The following PSIP1 variants were observed in gnomAD, a reference collection of about 807,000 sequenced individuals.
The protein encoded by PSIP1 is PC4 and SFRS1-interacting protein.
PSIP1 carries 19 observed loss-of-function variants against 74.7 expected under a neutral mutation model. That is an observed-to-expected ratio of 0.25 (90% CI 0.18 to 0.37). The LOEUF (loss-of-function observed/expected upper bound fraction) is 0.37. Among genes scored for constraint, PSIP1 ranks in the 10% least tolerant of loss-of-function variants. The probability of loss-of-function intolerance (pLI) is 1.00; values close to 1 mark genes in which losing one functional copy is unlikely to be tolerated. For missense variants in PSIP1, 601 were observed against 614.3 expected, an observed-to-expected ratio of 0.98 and a Z score of 0.23; for synonymous variants, 222 against 195.3, an observed-to-expected ratio of 1.14 and a Z score of -1.14.
chr9:15,484,799 G>C (rs921013084), intron 6 of PSIP1, among the ~76,000 whole-genome samples: 5 of 151,576 alleles, frequency 3.3e-5, no homozygotes, highest in African/African-American at 1.2e-4. Flanking sequence ...TGTAATCCCA[G>C]CTACTTGGGA....
At chr9:15,490,940 T>C (rs1425406650) in intron 3 of PSIP1, among the ~76,000 whole-genome samples, 1 of 152,172 alleles carries the variant, frequency 6.6e-6, no homozygotes, top group East Asian at 1.9e-4. Flanking sequence ...GTACTATCAA[T>C]TTTTGCTATC....
intron 3 of PSIP1, among the ~76,000 whole-genome samples, chr9:15,498,443 A>G (rs977331233): frequency 6.6e-6 from 1 of 152,010 alleles, no homozygotes; most frequent in Admixed American, 6.6e-5. Flanking sequence ...AAAAAAACAA[A>G]GAGTAAGATA....
chr9:15,497,621 G>C (rs949347601), intron 3 of PSIP1, among the ~76,000 whole-genome samples: 3 of 151,904 alleles, frequency 2.0e-5, no homozygotes, highest in South Asian at 2.1e-4. Flanking sequence ...CACCGCGCCC[G>C]GCTGATTCCA....
intron 3 of PSIP1, among the ~76,000 whole-genome samples, chr9:15,502,919 C>G (rs1342966581): frequency 6.6e-6 from 1 of 152,100 alleles, no homozygotes; most frequent in Non-Finnish European, 1.5e-5. Flanking sequence ...CGTCTGTAGG[C>G]CAGGAAAAGA....
chr9:15,466,791 T>G lies in PSIP1; in HGVS notation c.1489A>C (p.Asn497His). Residue 497 changes from asparagine to histidine, a missense_variant, in exon 15 of 16, where the codon AAT (asparagine) becomes CAT (histidine). Around this residue, in one of 2 missense-constraint regions of PSIP1, gnomAD observed 538 missense variants for 507.6 expected, o/e 1.06. Transcript: ENST00000380733. The stretch of plus-strand genomic sequence containing the variant: ...TCATGGTTGTCTTTGCTGTCTTCAT[T>G]GCTCTCCCCGTTATGTTGTGGCTGA... ...GNQPQHNGES[N>H]EDSKDNHEAS... 1 of 1,613,730 alleles carries G rather than the reference T, an allele frequency of 6.2e-7. No individual in the cohort carries two copies. Among genetic ancestry groups the G allele is most frequent in the Non-Finnish European group, 8.5e-7 (1 of 1,179,868 alleles).
intron 5 of PSIP1, among the ~76,000 whole-genome samples, 199 bp from the exon 6 acceptor site, chr9:15,486,267 G>C (rs16933320): frequency 0.021 from 3,166 of 152,284 alleles, 78 homozygotes; most frequent in South Asian, 0.099. Flanking sequence ...CAGATCAAAT[G>C]TAAGTCATGG....
intron 3 of PSIP1, among the ~76,000 whole-genome samples, chr9:15,498,864 G>A (rs375319898): frequency 4.0e-5 from 6 of 151,854 alleles, no homozygotes; most frequent in Admixed American, 1.3e-4. Context: ...AACTATATAC[G>A]ACAGAAGCTC....
chr9:15,471,727 T>C, intron 10 of PSIP1: 1 of 966,168 alleles, frequency 1.0e-6, no homozygotes. Flanking sequence ...ACGCTGTACT[T>C]GTCAAGAAAG....
Position 15,510,056 on chromosome 9 carries a change from G to T in PSIP1, c.72+61C>A. 2.7e-6 allele frequency: 4 copies of T among 1,457,802 alleles called. No homozygotes were observed. In the South Asian group the frequency reaches 3.7e-5, roughly 13 times the overall value. The allele number at this position is 1,457,802 out of a possible 1,614,324, so 90.3% of individuals were successfully genotyped here. On this transcript the variant is annotated intron_variant, in intron 2 of 15. Transcript: ENST00000380733. ...GAAGAAAAAATAAAGAGACACGGTG[G>T]GCAGCAGGCCTCTGGAGAGGAGGGT...
rs1027183025 is a variant in PSIP1 at position 15,470,752 on chromosome 9, TAAAC to T, written c.978-763_978-760del. 29 of 966,560 alleles carry T rather than the reference TAAAC, an allele frequency of 3.0e-5. No homozygotes were observed. In the South Asian group the frequency reaches 5.8e-4, roughly 19 times the overall value. The allele number at this position is 966,560 out of a possible 1,614,324, so 59.9% of individuals were successfully genotyped here. ...AACATTTATTAAGATTCTAAAGAAT[TAAAC>T]AACAAAGGAATGTCAAGAGAAGGGC... On this transcript the variant is annotated intron_variant, in intron 10 of 15. Transcript: ENST00000380733.
At chr9:15,480,790 C>T (rs1194818705) in intron 6 of PSIP1, among the ~76,000 whole-genome samples, 1 of 152,094 alleles carries the variant, frequency 6.6e-6, no homozygotes, top group African/African-American at 2.4e-5. Context: ...GCTTGTGGCG[C>T]ACACCTATAA....
At chr9:15,479,545 A>G in intron 7 of PSIP1, 46 bp downstream of exon 7, 9 of 1,457,792 alleles carry the variant, frequency 6.2e-6, no homozygotes, top group Middle Eastern at 2.5e-4. Flanking sequence ...ATGGACTGGA[A>G]TATTAATCAC....
At chr9:15,471,660 C>T (rs541791546) in intron 10 of PSIP1, 2 of 929,878 alleles carry the variant, frequency 2.2e-6, no homozygotes, top group South Asian at 1.0e-4. Context: ...ATTTAAATTA[C>T]TCCCTCAAGG....
chr9:15,464,965 A>G lies in PSIP1; in HGVS notation c.*555T>C, dbSNP rs144766798. On this transcript the variant is annotated 3_prime_UTR_variant, in exon 16 of 16. Coordinates refer to ENST00000380733, the MANE Select transcript of PSIP1 (RefSeq NM_033222.5). Reference sequence around the variant, plus strand: ...ATACAGAGCACACATTGTTCCAAAGAAGCTGGATAATGTAGCACAATGTAG... The same window carrying G: ...ATACAGAGCACACATTGTTCCAAAGGAGCTGGATAATGTAGCACAATGTAG... 5 of 217,214 alleles carry G rather than the reference A, an allele frequency of 2.3e-5. No homozygotes were observed. In the East Asian group the frequency reaches 3.4e-4, roughly 15 times the overall value. The allele number at this position is 217,214 out of a possible 1,614,324, so 13.5% of individuals were successfully genotyped here. A position where few individuals can be genotyped will look rare whatever the true frequency, so the allele number is the denominator to read the frequency against.
At chr9:15,466,270 T>C (rs2035619679) in intron 15 of PSIP1, among the ~76,000 whole-genome samples, 1 of 151,852 alleles carries the variant, frequency 6.6e-6, no homozygotes, top group African/African-American at 2.4e-5. Flanking sequence ...TCCCAGCTAC[T>C]TGGGAGGCTG....
At chr9:15,465,765 T>G (rs2035581813) in intron 15 of PSIP1, 185 bp from the exon 16 acceptor site, 1 of 527,338 alleles carries the variant, frequency 1.9e-6, no homozygotes, top group Admixed American at 3.8e-5. Flanking sequence ...ACTGTTATTT[T>G]ACCATGTTGT....
intron 6 of PSIP1, among the ~76,000 whole-genome samples, chr9:15,481,665 C>A (rs2036342007): frequency 6.6e-6 from 1 of 151,926 alleles, no homozygotes; most frequent in African/African-American, 2.4e-5. Context: ...GCCTGGGCAA[C>A]AGAGCAAGAC....
intron 8 of PSIP1, among the ~76,000 whole-genome samples, chr9:15,478,126 T>G (rs2036174185): frequency 1.4e-5 from 2 of 140,574 alleles, no homozygotes; most frequent in Non-Finnish European, 3.0e-5. Context: ...AACCCCATCT[T>G]TAAAAAAAAA....
chr9:15,481,168 C>T (rs943088384), intron 6 of PSIP1, among the ~76,000 whole-genome samples: 1 of 152,134 alleles, frequency 6.6e-6, no homozygotes, highest in Non-Finnish European at 1.5e-5. Context: ...TTGCCCTGCC[C>T]CAATCCTGAT....
Sources: gnomAD v4.1 joint callset for allele counts (sites outside exome capture counted in the v4.1 genomes callset) on GRCh38, gnomAD v4.1.1 for gene constraint, gnomAD v4.1.1 regional missense constraint, MANE v1.5 for transcripts, NCBI Gene and HGNC (gene_info 2026-07-23, HGNC 2026-07-21) for gene names.